The following UGP2 variants were observed in gnomAD, a reference collection of about 807,000 sequenced individuals.
The protein encoded by UGP2 is UTP--glucose-1-phosphate uridylyltransferase.
UGP2 carries 40 observed loss-of-function variants against 49.0 expected under a neutral mutation model. That is an observed-to-expected ratio of 0.82 (90% CI 0.63 to 1.06). UGP2 has a LOEUF of 1.06. Among genes scored for constraint, UGP2 ranks in the 50% least tolerant of loss-of-function variants. The probability of loss-of-function intolerance (pLI) is 0.00; values close to 1 mark genes in which losing one functional copy is unlikely to be tolerated. For synonymous variants in UGP2, 225 were observed against 213.0 expected (o/e 1.06, Z -0.49); for missense variants, 460 against 603.5 (o/e 0.76, Z 2.49).
chr2:63,856,751 A>G (rs1311402674), intron 2 of UGP2: 1 of 475,372 alleles, frequency 2.1e-6, no homozygotes, highest in Non-Finnish European at 4.2e-6. Flanking sequence ...TGTAATTGAG[A>G]GAAGTTAGCT....
chr2:63,858,100 C>A, intron 3 of UGP2, 164 bp downstream of exon 3: 1 of 617,894 alleles, frequency 1.6e-6, no homozygotes, highest in Non-Finnish European at 2.8e-6. Context: ...AGACAGCCTT[C>A]AGCTCCTTTC....
intron 3 of UGP2, among the ~76,000 whole-genome samples, chr2:63,872,732 A>G (rs1281716205): frequency 6.6e-6 from 1 of 151,568 alleles, no homozygotes; most frequent in Admixed American, 6.6e-5. Context: ...TCCCTTTAGC[A>G]TGTCCTTGGA....
At chr2:63,842,523 C>T (rs1349439598) in intron 1 of UGP2, 2 of 1,533,960 alleles carry the variant, frequency 1.3e-6, no homozygotes, top group African/African-American at 1.4e-5. Context: ...GTTCTCTTTT[C>T]CTGGTCTGTG....
chr2:63,891,149 T>C lies in UGP2; in HGVS notation c.1449T>C (p.Gly483=), dbSNP rs1672125071. The C allele has an allele frequency of 6.2e-7, 1 of 1,613,674 alleles. No homozygotes were observed. Among genetic ancestry groups the C allele is most frequent in the South Asian group, 1.1e-5 (1 of 91,010 alleles). ...KGTVIIIANH[G]DRIDIPPGAV... ...CGGTTATCATCATTGCAAATCATGG[T>C]GACAGAATTGATATCCCACCTGGAG... Residue 483 remains glycine, a synonymous_variant, in exon 10 of 10, where the codon GGT becomes GGC. Coordinates refer to ENST00000337130, the MANE Select transcript of UGP2 (RefSeq NM_006759.4).
chr2:63,883,543 C>A (rs569677935), intron 4 of UGP2, among the ~76,000 whole-genome samples: 1 of 152,264 alleles, frequency 6.6e-6, no homozygotes, highest in South Asian at 2.1e-4. Flanking sequence ...ATACTTTCAT[C>A]CCTACAGAGA....
chr2:63,845,425 A>G (rs1017318069), intron 1 of UGP2, among the ~76,000 whole-genome samples: 8 of 151,982 alleles, frequency 5.3e-5, no homozygotes, highest in Non-Finnish European at 8.8e-5. Context: ...ATATAACCAC[A>G]TGTCATCAAC....
intron 5 of UGP2, 166 bp downstream of exon 5, chr2:63,884,259 A>G (rs778838396): frequency 1.2e-6 from 1 of 822,106 alleles, no homozygotes; most frequent in Middle Eastern, 3.6e-4. Context: ...GATTGTTATA[A>G]TCACTCTGGT....
At chr2:63,861,705 A>C (rs1395374063) in intron 3 of UGP2, among the ~76,000 whole-genome samples, 1 of 149,310 alleles carries the variant, frequency 6.7e-6, no homozygotes, top group Non-Finnish European at 1.5e-5. Context: ...AAAAAAAAAC[A>C]AAAAAACGAC....
intron 7 of UGP2, among the ~76,000 whole-genome samples, chr2:63,887,148 C>A (rs1671736221): frequency 1.3e-5 from 2 of 151,900 alleles, no homozygotes; most frequent in South Asian, 4.2e-4. Flanking sequence ...CCTATAATTC[C>A]AGCTACTCGG....
At chr2:63,867,723 C>G (rs1003135683) in intron 3 of UGP2, among the ~76,000 whole-genome samples, 3 of 152,102 alleles carry the variant, frequency 2.0e-5, no homozygotes, top group African/African-American at 7.2e-5. Context: ...ATTTATGATT[C>G]ATGAATAATT....
At chr2:63,848,107 C>T (rs1044693887) in intron 1 of UGP2, among the ~76,000 whole-genome samples, 2 of 152,076 alleles carry the variant, frequency 1.3e-5, no homozygotes, top group African/African-American at 4.8e-5. Flanking sequence ...ATTAGTAGGG[C>T]AAGTTCTCTG....
intron 1 of UGP2, chr2:63,855,925 A>C (rs191730094): frequency 4.6e-6 from 1 of 215,644 alleles, no homozygotes; most frequent in Admixed American, 5.5e-5. Flanking sequence ...TCTGTCACAG[A>C]AGTGCCCGGC....
chr2:63,879,048 C>G (rs561101023), intron 3 of UGP2, among the ~76,000 whole-genome samples: 111 of 150,732 alleles, frequency 7.4e-4, no homozygotes, highest in African/African-American at 2.5e-3. Flanking sequence ...TTCTTGATGA[C>G]TTATGTCCTA....
rs1210186096 is a variant in UGP2 at position 63,875,172 on chromosome 2, C to G, written c.256-7294C>G. 2.6e-5 allele frequency among the ~76,000 whole-genome samples: 4 copies of G among 152,296 alleles called. No individual in the cohort carries two copies. In the South Asian group the frequency reaches 8.3e-4, roughly 32 times the overall value. On this transcript the variant is annotated intron_variant, in intron 3 of 9. Transcript: ENST00000337130. ...TTGGCACACAAACCCTGTGCAGTAG[C>G]AGTAAGGGTTTAGTGAATAAGCCAG...
chr2:63,890,304 C>A, intron 9 of UGP2, 119 bp downstream of exon 9: 1 of 413,408 alleles, frequency 2.4e-6, no homozygotes, highest in Admixed American at 5.2e-5. Context: ...ACCTTAATTA[C>A]TAGTGTAATT....
chr2:63,844,764 G>A (rs1671816491), intron 1 of UGP2, among the ~76,000 whole-genome samples: 1 of 152,132 alleles, frequency 6.6e-6, no homozygotes, highest in Non-Finnish European at 1.5e-5. Context: ...CTTTCCCTAT[G>A]TTTCTCAGGC....
At chr2:63,888,406 C>A (rs1477095913) in intron 8 of UGP2, 1 of 152,152 alleles carries the variant, frequency 6.6e-6, no homozygotes, top group East Asian at 1.9e-4. Flanking sequence ...TATTTCTGGT[C>A]ACAAAAATAT....
chr2:63,841,732 G>C (rs1271498412), upstream of UGP2: 2 of 156,374 alleles, frequency 1.3e-5, no homozygotes, highest in African/African-American at 4.8e-5. Context: ...AGGCGTTTGG[G>C]GCCTGGACGG....
At chr2:63,855,635 C>T (rs77254170) in intron 1 of UGP2, 79,860 of 429,404 alleles carry the variant, frequency 0.19, 8,032 homozygotes, top group Middle Eastern at 0.25. Flanking sequence ...TCTGCCTCCT[C>T]GGCTCAAGGT....
Sources: allele counts gnomAD v4.1 joint callset (sites outside exome capture counted in the v4.1 genomes callset), GRCh38; gene constraint gnomAD v4.1.1; transcripts MANE v1.5; gene names NCBI Gene and HGNC (gene_info 2026-07-23, HGNC 2026-07-21).